The following PTPRO variants were observed in gnomAD, a reference collection of about 807,000 sequenced individuals.
PTPRO encodes receptor-type tyrosine-protein phosphatase O.
PTPRO carries 62 observed loss-of-function variants against 145.2 expected under a neutral mutation model. The observed-to-expected ratio is 0.43, with a 90% CI of 0.35 to 0.53. The LOEUF (loss-of-function observed/expected upper bound fraction) is 0.53, where lower values mean the gene tolerates loss of function less well. Ranked by LOEUF, PTPRO falls within the 20% of genes least tolerant of loss-of-function variation. The pLI is 0.01. For synonymous variants in PTPRO, 565 were observed against 514.7 expected (o/e 1.10, Z -1.32); for missense variants, 1,345 against 1,482.7 (o/e 0.91, Z 1.53).
intron 1 of PTPRO, among the ~76,000 whole-genome samples, chr12:15,372,498 G>A (rs1938560564): frequency 1.3e-5 from 2 of 152,172 alleles, no homozygotes; most frequent in Non-Finnish European, 2.9e-5. Context: ...AATGCAATTT[G>A]ATAGTTTCTT....
At chr12:15,392,736 AAAAAAAGAAG>A (rs1376904593) in intron 1 of PTPRO, among the ~76,000 whole-genome samples, 2 of 150,088 alleles carry the variant, frequency 1.3e-5, no homozygotes, top group African/African-American at 4.9e-5. Flanking sequence ...AAAAAAAAAA[AAAAAAAGAAG>A]AAAAAAGAAG....
intron 1 of PTPRO, among the ~76,000 whole-genome samples, chr12:15,355,968 T>C (rs1452994627): frequency 6.6e-6 from 1 of 152,226 alleles, no homozygotes; most frequent in Non-Finnish European, 1.5e-5. Flanking sequence ...TAAATATGAC[T>C]GTGTACTTTT....
chr12:15,394,507 C>A (rs1009821438), intron 1 of PTPRO, among the ~76,000 whole-genome samples: 1 of 152,184 alleles, frequency 6.6e-6, no homozygotes, highest in Non-Finnish European at 1.5e-5. Context: ...TTTTAGAGTT[C>A]ATTGTCATAT....
intron 12 of PTPRO, among the ~76,000 whole-genome samples, chr12:15,539,628 C>T (rs1233900120): frequency 6.6e-6 from 1 of 151,356 alleles, no homozygotes; most frequent in Non-Finnish European, 1.5e-5. Flanking sequence ...TGGGTGTAGT[C>T]GTAGGTACCT....
intron 1 of PTPRO, among the ~76,000 whole-genome samples, chr12:15,358,358 A>C (rs1389015417): frequency 6.6e-6 from 1 of 151,934 alleles, no homozygotes; most frequent in Non-Finnish European, 1.5e-5. Context: ...CATTGTGCAC[A>C]TGTACCCTAA....
chr12:15,377,710 C>T (rs1938729197), intron 1 of PTPRO, among the ~76,000 whole-genome samples: 1 of 151,986 alleles, frequency 6.6e-6, no homozygotes, highest in African/African-American at 2.4e-5. Context: ...CAGGTAGACA[C>T]AGACTATTTT....
At chr12:15,530,517 A>G in intron 12 of PTPRO, among the ~76,000 whole-genome samples, 1 of 152,216 alleles carries the variant, frequency 6.6e-6, no homozygotes. Flanking sequence ...TACATATCAT[A>G]TCAAGTATCT....
At chr12:15,451,448 G>A (rs565459288) in intron 1 of PTPRO, among the ~76,000 whole-genome samples, 43 of 152,172 alleles carry the variant, frequency 2.8e-4, no homozygotes, top group African/African-American at 8.4e-4. Context: ...AAGACAGAAC[G>A]TCAACAAAGA....
At chr12:15,372,512 T>G (rs1938560735) in intron 1 of PTPRO, among the ~76,000 whole-genome samples, 2 of 152,242 alleles carry the variant, frequency 1.3e-5, no homozygotes. Context: ...GTTTCTTGTT[T>G]CAGAAAGGAG....
At chr12:15,498,133 T>C (rs1942146444) in intron 3 of PTPRO, among the ~76,000 whole-genome samples, 1 of 152,120 alleles carries the variant, frequency 6.6e-6, no homozygotes, top group Non-Finnish European at 1.5e-5. Flanking sequence ...ACTGGAAACA[T>C]GTATTGGTGG....
chr12:15,351,037 CA>C (rs1466248646), intron 1 of PTPRO, among the ~76,000 whole-genome samples: 1 of 152,066 alleles, frequency 6.6e-6, no homozygotes, highest in African/African-American at 2.4e-5. Flanking sequence ...AAACTACTGG[CA>C]GCAATGGGTT....
chr12:15,430,118 GA>G (rs1940392634), intron 1 of PTPRO, among the ~76,000 whole-genome samples: 1 of 152,018 alleles, frequency 6.6e-6, no homozygotes, highest in Admixed American at 6.6e-5. Flanking sequence ...GGAACACCGA[GA>G]AAATAGCAAG....
chr12:15,591,907 T>C (rs1297256752), intron 25 of PTPRO, among the ~76,000 whole-genome samples: 6 of 151,916 alleles, frequency 3.9e-5, no homozygotes, highest in Admixed American at 2.6e-4. Context: ...AATTATGAAA[T>C]AATTAAATAA....
At chr12:15,455,428 G>A (rs1397213331) in intron 1 of PTPRO, among the ~76,000 whole-genome samples, 1 of 151,848 alleles carries the variant, frequency 6.6e-6, no homozygotes, top group South Asian at 2.1e-4. Context: ...TTTGCAGATT[G>A]CACAATAAGA....
At position 15,524,949 on chromosome 12, in the gene PTPRO, A is replaced by C; in HGVS notation, c.2027A>C (p.Lys676Thr). The change falls in exon 11 of 27, where the codon AAG (lysine) becomes ACG (threonine). Residue 676 changes from lysine to threonine, a missense_variant. Lys to Thr is a moderately conservative substitution (Grantham distance 78). Coordinates refer to ENST00000281171, the MANE Select transcript of PTPRO (RefSeq NM_030667.3). ...LHWMVVAEGKKKIKKSVTRNV... is the reference protein window; with the variant it reads ...LHWMVVAEGKTKIKKSVTRNV... ...TGGATGGTGGTTGCAGAAGGAAAAAAGAAAATTAAAAAGAGTGTATGTTTC... is the reference window on the plus strand; with the variant it reads ...TGGATGGTGGTTGCAGAAGGAAAAACGAAAATTAAAAAGAGTGTATGTTTC... 1 of 1,614,060 alleles carries C rather than the reference A, an allele frequency of 6.2e-7. No homozygotes were observed. The highest frequency in any genetic ancestry group is 8.5e-7 in the Non-Finnish European group (1 of 1,179,958).
chr12:15,409,285 G>A (rs2136310111), intron 1 of PTPRO, among the ~76,000 whole-genome samples: 1 of 152,232 alleles, frequency 6.6e-6, no homozygotes, highest in South Asian at 2.1e-4. Context: ...AGGCTCAAAG[G>A]TATTGCCAGT....
intron 1 of PTPRO, among the ~76,000 whole-genome samples, chr12:15,370,001 G>A (rs1442474067): frequency 1.3e-5 from 2 of 152,072 alleles, no homozygotes; most frequent in African/African-American, 2.4e-5. Flanking sequence ...GCAGTGAGAC[G>A]AGATCGCCCC....
intron 1 of PTPRO, among the ~76,000 whole-genome samples, chr12:15,342,672 C>T (rs1867041795): frequency 6.6e-6 from 1 of 152,206 alleles, no homozygotes; most frequent in Non-Finnish European, 1.5e-5. Context: ...TCTGCCCTTC[C>T]AGCCTCGAAG....
At position 15,598,247 on chromosome 12, in the gene PTPRO, T is replaced by C. The variant is rs914145166; in HGVS notation, c.*2174T>C. ...GAGTTTATGATGGAAAAGGCATCAG[T>C]CTGTCAAAAGACTTGTTTAATCCTG... On this transcript the variant is annotated 3_prime_UTR_variant, in exon 27 of 27. Coordinates refer to ENST00000281171, the MANE Select transcript of PTPRO (RefSeq NM_030667.3). Among the ~76,000 whole-genome samples the C allele has an allele frequency of 6.6e-6, 1 of 152,192 alleles. No homozygotes were observed. Among genetic ancestry groups the C allele is most frequent in the African/African-American group, 2.4e-5 (1 of 41,448 alleles).
Sources: allele counts gnomAD v4.1 joint callset (sites outside exome capture counted in the v4.1 genomes callset), GRCh38; gene constraint gnomAD v4.1.1; transcripts MANE v1.5; gene names NCBI Gene and HGNC (gene_info 2026-07-23, HGNC 2026-07-21).